CNBD1: variants seen among roughly 807,000 people sequenced by gnomAD.
The protein encoded by CNBD1 is cyclic nucleotide binding domain containing 1.
A neutral mutation model predicts 54.4 loss-of-function variants in CNBD1; 71 were observed. That is an observed-to-expected ratio of 1.30 (90% CI 1.08 to 1.59). The LOEUF (loss-of-function observed/expected upper bound fraction) is 1.59, where lower values mean the gene tolerates loss of function less well. Ranked by LOEUF, CNBD1 falls within the 40% of genes most tolerant of loss-of-function variation. CNBD1 has a pLI of 0.00. For synonymous variants in CNBD1, 182 were observed against 170.7 expected (o/e 1.07, Z -0.51); for missense variants, 659 against 518.0 (o/e 1.27, Z -2.64).
intron 8 of CNBD1, among the ~76,000 whole-genome samples, chr8:87,312,844 CT>C (rs1378785832): frequency 6.6e-6 from 1 of 151,972 alleles, no homozygotes; most frequent in Non-Finnish European, 1.5e-5. Context: ...CTGCATTTCT[CT>C]TTTGGTCTTA....
At chr8:87,267,935 G>C (rs1017823079) in intron 6 of CNBD1, among the ~76,000 whole-genome samples, 4 of 152,122 alleles carry the variant, frequency 2.6e-5, no homozygotes, top group Non-Finnish European at 4.4e-5. Context: ...TAGTCTGCTA[G>C]TATTTTTGTT....
chr8:87,055,884 TTCCTTCCTTCC>T (rs1290249375), intron 4 of CNBD1, among the ~76,000 whole-genome samples: 3 of 1,970 alleles, frequency 1.5e-3, no homozygotes, highest in African/African-American at 7.4e-3. Context: ...TGCTTGACCT[TTCCTTCCTTCC>T]TTCCTTCCTT....
chr8:87,322,362 C>A (rs1317832323), intron 8 of CNBD1, among the ~76,000 whole-genome samples: 1 of 118,778 alleles, frequency 8.4e-6, no homozygotes, highest in Non-Finnish European at 1.9e-5. Context: ...AGTTCTAGAT[C>A]CCTGAGGAAT....
chr8:87,158,891 T>A (rs781001122), intron 4 of CNBD1, among the ~76,000 whole-genome samples: 1 of 152,186 alleles, frequency 6.6e-6, no homozygotes, highest in African/African-American at 2.4e-5. Context: ...GCAAGCGACA[T>A]CATGCAGAAA....
intron 7 of CNBD1, among the ~76,000 whole-genome samples, chr8:87,286,178 A>C (rs1808695296): frequency 6.6e-6 from 1 of 152,192 alleles, no homozygotes; most frequent in Non-Finnish European, 1.5e-5. Flanking sequence ...TTTAACAAAA[A>C]ATTCTTTATG....
intron 4 of CNBD1, among the ~76,000 whole-genome samples, chr8:87,005,111 C>T (rs1242093529): frequency 1.1e-3 from 166 of 151,676 alleles, no homozygotes; most frequent in Non-Finnish European, 6.3e-4. Flanking sequence ...CAGCAGGGCA[C>T]GGTGGCTCAC....
At chr8:87,345,708 T>C (rs147622879) in intron 8 of CNBD1, among the ~76,000 whole-genome samples, 5,464 of 152,200 alleles carry the variant, frequency 0.036, 177 homozygotes, top group Non-Finnish European at 0.057. Flanking sequence ...GCAAGCTCTT[T>C]ATGAAATAAA....
chr8:87,130,555 T>C (rs373715360), intron 4 of CNBD1, among the ~76,000 whole-genome samples: 10 of 152,082 alleles, frequency 6.6e-5, no homozygotes, highest in African/African-American at 2.4e-4. Flanking sequence ...GATAGGTGAA[T>C]TAATTGAGCC....
chr8:87,347,593 A>G (rs1444399223), intron 8 of CNBD1, among the ~76,000 whole-genome samples: 3 of 152,230 alleles, frequency 2.0e-5, no homozygotes, highest in Admixed American at 6.5e-5. Context: ...AAGGAGCAGT[A>G]TAGAGTAGTC....
intron 10 of CNBD1, among the ~76,000 whole-genome samples, chr8:87,358,034 G>A (rs562873783): frequency 2.0e-5 from 3 of 152,194 alleles, no homozygotes; most frequent in Middle Eastern, 6.8e-3. Flanking sequence ...CATGTGACAT[G>A]CCTGCTCCTT....
At position 87,336,976 on chromosome 8, in the gene CNBD1, G is replaced by A. The variant is rs909744103; in HGVS notation, c.1043-14709G>A. On this transcript the variant is annotated intron_variant, in intron 8 of 10. Coordinates refer to ENST00000518476, the MANE Select transcript of CNBD1 (RefSeq NM_173538.3). Reference sequence around the variant, plus strand: ...CTCTTCTGTAGGGCTGCTGCGGTTTGCTGGGGGTTCACTTCAGGTCCTATT... The same window carrying A: ...CTCTTCTGTAGGGCTGCTGCGGTTTACTGGGGGTTCACTTCAGGTCCTATT... Among the ~76,000 whole-genome samples, 25 of 152,054 alleles carry A rather than the reference G, an allele frequency of 1.6e-4. 1 individual carries two copies. Among genetic ancestry groups the A allele is most frequent in the Non-Finnish European group, 4.4e-5 (3 of 68,012 alleles).
At chr8:87,272,083 C>T (rs1353783854) in intron 6 of CNBD1, among the ~76,000 whole-genome samples, 1 of 151,538 alleles carries the variant, frequency 6.6e-6, no homozygotes, top group African/African-American at 2.4e-5. Context: ...TTATCAGAGG[C>T]CAAGAAGGGT....
intron 4 of CNBD1, among the ~76,000 whole-genome samples, chr8:86,943,960 C>A (rs1487993713): frequency 6.6e-6 from 1 of 152,022 alleles, no homozygotes; most frequent in African/African-American, 2.4e-5. Flanking sequence ...CAACTACTTG[C>A]ATTTGGGAGT....
intron 4 of CNBD1, among the ~76,000 whole-genome samples, chr8:87,114,715 C>A (rs539220761): frequency 6.6e-6 from 1 of 152,278 alleles, no homozygotes; most frequent in African/African-American, 2.4e-5. Context: ...TGAACCTTTG[C>A]AAGTACCGTG....
chr8:87,275,379 TC>T (rs1327495507), intron 6 of CNBD1, among the ~76,000 whole-genome samples: 1 of 151,876 alleles, frequency 6.6e-6, no homozygotes, highest in Admixed American at 6.6e-5. Flanking sequence ...ATGGCCATTT[TC>T]ACGATATTGA....
chr8:86,873,310 A>T (rs1199286154), intron 1 of CNBD1, among the ~76,000 whole-genome samples: 3 of 151,836 alleles, frequency 2.0e-5, no homozygotes, highest in African/African-American at 7.3e-5. Flanking sequence ...CCTGTTGATC[A>T]GGCTTGTCTC....
chr8:87,320,098 G>A (rs1244204368), intron 8 of CNBD1, among the ~76,000 whole-genome samples: 1 of 152,020 alleles, frequency 6.6e-6, no homozygotes, highest in Non-Finnish European at 1.5e-5. Context: ...TGTTTGCATT[G>A]CATGACATTG....
chr8:87,327,375 G>C (rs1194242209), intron 8 of CNBD1, among the ~76,000 whole-genome samples: 4 of 151,702 alleles, frequency 2.6e-5, no homozygotes, highest in Non-Finnish European at 5.9e-5. Context: ...AAGCAAGCCT[G>C]GGCAATGGTG....
chr8:86,933,643 T>A (rs1050359566), intron 3 of CNBD1, among the ~76,000 whole-genome samples: 119 of 152,292 alleles, frequency 7.8e-4, no homozygotes, highest in African/African-American at 2.8e-3. Flanking sequence ...ATGAGGGACA[T>A]GTCACCTAGA....
Sources: allele counts gnomAD v4.1 joint callset (sites outside exome capture counted in the v4.1 genomes callset), GRCh38; gene constraint gnomAD v4.1.1; transcripts MANE v1.5; gene names NCBI Gene and HGNC (gene_info 2026-07-23, HGNC 2026-07-21).